Variants in NCEH1 observed in about 807,000 individuals in gnomAD.
NCEH1 encodes the protein neutral cholesterol ester hydrolase 1, also known as 2-acetyl MAGE hydrolase.
In NCEH1, 9 loss-of-function variants were observed where a neutral mutation model predicts 25.4. The observed-to-expected ratio is 0.35, with a 90% CI of 0.21 to 0.62. The LOEUF (loss-of-function observed/expected upper bound fraction) is 0.62. Ranked by LOEUF, NCEH1 falls within the 20% of genes least tolerant of loss-of-function variation. NCEH1 has a pLI of 0.72. For synonymous variants in NCEH1, 200 were observed against 199.8 expected, an observed-to-expected ratio of 1.00 and a Z score of -0.01; for missense variants, 412 against 501.1, an observed-to-expected ratio of 0.82 and a Z score of 1.70.
chr3:172,661,742 T>C (rs934823097), intron 1 of NCEH1, among the ~76,000 whole-genome samples: 23 of 152,314 alleles, frequency 1.5e-4, no homozygotes, highest in Admixed American at 5.2e-4. Flanking sequence ...CAACTGTGAA[T>C]GGGAGTTCAC....
At chr3:172,652,869 TA>T (rs1304914642) in intron 1 of NCEH1, among the ~76,000 whole-genome samples, 1 of 150,178 alleles carries the variant, frequency 6.7e-6, no homozygotes, top group Admixed American at 6.6e-5. Flanking sequence ...CTAATTTTTG[TA>T]TTTTTTTTTT....
At chr3:172,651,628 G>A (rs1350110578) in intron 1 of NCEH1, among the ~76,000 whole-genome samples, 5 of 150,064 alleles carry the variant, frequency 3.3e-5, no homozygotes, top group Non-Finnish European at 1.5e-5. Context: ...GTGTGATCTC[G>A]GCTCACTGAA....
At chr3:172,687,703 G>A (rs1240502386) in intron 1 of NCEH1, among the ~76,000 whole-genome samples, 1 of 152,216 alleles carries the variant, frequency 6.6e-6, no homozygotes, top group Non-Finnish European at 1.5e-5. Context: ...TGCTGGCCTA[G>A]TGTTGCCAGA....
intron 1 of NCEH1, among the ~76,000 whole-genome samples, chr3:172,670,536 G>A (rs1364339068): frequency 6.6e-6 from 1 of 152,222 alleles, no homozygotes; most frequent in African/African-American, 2.4e-5. Flanking sequence ...CACATGTAGA[G>A]TCAGCAGCAG....
chr3:172,648,993 G>C (rs1320746719), intron 1 of NCEH1, among the ~76,000 whole-genome samples: 1 of 152,144 alleles, frequency 6.6e-6, no homozygotes, highest in Non-Finnish European at 1.5e-5. Context: ...TGATGAAACA[G>C]AACACTGGTG....
In NCEH1 at chr3:172,670,119, C is replaced by T. The variant is rs114307937; in HGVS notation, c.139-22005G>A. Among the ~76,000 whole-genome samples the T allele has an allele frequency of 2.9e-3, 440 of 152,204 alleles. 5 individuals carry two copies. The highest frequency in any genetic ancestry group is 8.5e-3 in the African/African-American group (352 of 41,516). ...GTTCAAACTACCCTTCATCCTATAACGGCAGACATGACCTAATGATTCTCA... is the reference window on the plus strand; with the variant it reads ...GTTCAAACTACCCTTCATCCTATAATGGCAGACATGACCTAATGATTCTCA... On this transcript the variant is annotated intron_variant, in intron 1 of 4. Transcript: ENST00000475381.
At chr3:172,672,788 T>C (rs924443923) in intron 1 of NCEH1, among the ~76,000 whole-genome samples, 2 of 152,146 alleles carry the variant, frequency 1.3e-5, no homozygotes, top group Admixed American at 6.5e-5. Context: ...GATGCATCCA[T>C]TAGTTGCTAT....
intron 4 of NCEH1, 97 bp from the exon 5 acceptor site, chr3:172,634,189 G>T (rs1716504314): frequency 2.6e-6 from 3 of 1,157,202 alleles, no homozygotes; most frequent in Non-Finnish European, 3.7e-6. Context: ...CTCTGAATCT[G>T]TCAATGGTAT....
chr3:172,672,834 C>T (rs1711720432), intron 1 of NCEH1, among the ~76,000 whole-genome samples: 1 of 152,180 alleles, frequency 6.6e-6, no homozygotes. Flanking sequence ...AAGAGGAATG[C>T]CCAGGCAGCA....
chr3:172,632,730 C>T lies in NCEH1; in HGVS notation c.*745G>A, dbSNP rs1655885964. The T allele has an allele frequency of 6.6e-6, 1 of 152,492 alleles. No homozygotes were observed. The highest frequency in any genetic ancestry group is 2.4e-5 in the African/African-American group (1 of 41,408). 9.4% of individuals were successfully genotyped at this position (152,492 alleles called of 1,614,324 possible). On this transcript the variant is annotated 3_prime_UTR_variant, in exon 5 of 5. Transcript: ENST00000475381. ...AATAAGTTTGCTCCCAAATATCTCC[C>T]CAAGGAGAAGGGGGACAGCATAACC...
At chr3:172,688,330 CA>C (rs11376665) in intron 1 of NCEH1, among the ~76,000 whole-genome samples, 78 of 66,238 alleles carry the variant, frequency 1.2e-3, no homozygotes, top group South Asian at 0.011. Flanking sequence ...AACTCCACCT[CA>C]AAAAAAAAAA....
chr3:172,697,970 A>ATGT (rs1713463828), intron 1 of NCEH1, among the ~76,000 whole-genome samples: 1 of 101,094 alleles, frequency 9.9e-6, no homozygotes, highest in Non-Finnish European at 1.9e-5. Context: ...TAAAAGCAGA[A>ATGT]TTTTTTTTTT....
intron 1 of NCEH1, among the ~76,000 whole-genome samples, chr3:172,690,633 T>G (rs1003533978): frequency 2.0e-5 from 3 of 152,254 alleles, no homozygotes; most frequent in African/African-American, 7.2e-5. Context: ...ACATTATTTA[T>G]GGTGGCAAGT....
At chr3:172,636,184 G>T (rs1716591138) in intron 3 of NCEH1, 97 bp from the exon 4 acceptor site, 4 of 666,730 alleles carry the variant, frequency 6.0e-6, no homozygotes, top group Non-Finnish European at 1.0e-5. Flanking sequence ...TCTGGAAATA[G>T]ATAAGAAATT....
chr3:172,668,518 C>T (rs978762092), intron 1 of NCEH1, among the ~76,000 whole-genome samples: 1 of 151,988 alleles, frequency 6.6e-6, no homozygotes, highest in African/African-American at 2.4e-5. Context: ...CCACACCTGG[C>T]TAATTTTTGT....
In NCEH1 at chr3:172,638,261, G is replaced by A. The variant is rs187530433; in HGVS notation, c.438-2174C>T. On this transcript the variant is annotated intron_variant, in intron 3 of 4. Coordinates refer to ENST00000475381, the MANE Select transcript of NCEH1 (RefSeq NM_020792.6). ...CCACTGCACTCCAGCCTGGGCGACA[G>A]AACGAGACTCTGTCCAAAAAAAAAA... 3.7e-4 allele frequency among the ~76,000 whole-genome samples: 36 copies of A among 96,502 alleles called. No homozygotes were observed. The East Asian group carries it at 0.011, about 30-fold the overall frequency. 63.3% of individuals were successfully genotyped at this position (96,502 alleles called of 152,430 possible). A position where few individuals can be genotyped will look rare whatever the true frequency, so the allele number is the denominator to read the frequency against.
chr3:172,699,359 A>C (rs1223351288), intron 1 of NCEH1, among the ~76,000 whole-genome samples: 1 of 152,200 alleles, frequency 6.6e-6, no homozygotes, highest in East Asian at 1.9e-4. Flanking sequence ...GTGCCAGCCA[A>C]GGAACTTAGC....
intron 1 of NCEH1, among the ~76,000 whole-genome samples, chr3:172,701,067 T>C (rs1306901926): frequency 6.6e-6 from 1 of 152,156 alleles, no homozygotes; most frequent in Non-Finnish European, 1.5e-5. Flanking sequence ...AACACATTCA[T>C]TTCAACTACT....
rs1431894210 is a variant in NCEH1, at chr3:172,653,740, TTTTG to T, written c.139-5630_139-5627del. ...TTTGTTGTTGTTGTTGTTCTGTTTTTTTTGTTTTTTTGTTTTTTTGTTTTTTTTT... is the reference window on the plus strand; with the variant it reads ...TTTGTTGTTGTTGTTGTTCTGTTTTTTTTTTTTGTTTTTTTGTTTTTTTTT... On this transcript the variant is annotated intron_variant, in intron 1 of 4. Coordinates refer to ENST00000475381, the MANE Select transcript of NCEH1 (RefSeq NM_020792.6). Among the ~76,000 whole-genome samples the T allele has an allele frequency of 3.2e-5, 3 of 93,274 alleles. 1 individual carries two copies. The highest frequency in any genetic ancestry group is 6.0e-5 in the Non-Finnish European group (3 of 50,060). 61.2% of individuals were successfully genotyped at this position (93,274 alleles called of 152,430 possible). A position where few individuals can be genotyped will look rare whatever the true frequency, so the allele number is the denominator to read the frequency against.
Sources: allele counts gnomAD v4.1 joint callset (sites outside exome capture counted in the v4.1 genomes callset), GRCh38; gene constraint gnomAD v4.1.1; transcripts MANE v1.5; gene names NCBI Gene and HGNC (gene_info 2026-07-23, HGNC 2026-07-21).